The following SUFU variants were observed in gnomAD, a reference collection of about 807,000 sequenced individuals.
SUFU encodes suppressor of fused homolog.
In SUFU, 7 loss-of-function variants were observed where a neutral mutation model predicts 58.9. That is an observed-to-expected ratio of 0.12 (90% CI 0.07 to 0.22). The LOEUF (loss-of-function observed/expected upper bound fraction) is 0.22, where lower values mean the gene tolerates loss of function less well. Among genes scored for constraint, SUFU ranks in the 10% least tolerant of loss-of-function variants. The pLI, the probability that SUFU is intolerant of heterozygous loss-of-function variation, is 1.00. For synonymous variants in SUFU, 232 were observed against 254.8 expected (o/e 0.91, Z 0.85); for missense variants, 451 against 641.3 (o/e 0.70, Z 3.20).
In SUFU at chr10:102,619,015, T is replaced by C. The variant is rs1335562990; in HGVS notation, c.1296+1587T>C. 6.3e-7 allele frequency: 1 copy of C among 1,599,620 alleles called. No individual in the cohort carries two copies. The highest frequency in any genetic ancestry group is 8.5e-7 in the Non-Finnish European group (1 of 1,171,258). ...CACGTTTTCCTGGGACAGTCGGGAC[T>C]GGGGCCTCCCCAAACTGCAGAATCT... On this transcript the variant is annotated intron_variant, in intron 10 of 11. Coordinates refer to ENST00000369902, the MANE Select transcript of SUFU (RefSeq NM_016169.4). The surrounding 1 kb of genome is among the most constrained non-coding windows in gnomAD (Gnocchi z 4.2).
chr10:102,513,375 TC>T (rs1214919464), intron 2 of SUFU, among the ~76,000 whole-genome samples: 35 of 152,102 alleles, frequency 2.3e-4, no homozygotes, highest in Admixed American at 1.7e-3. Context: ...TGTCTTCTCT[TC>T]AGCAAAAAAG....
chr10:102,622,168 G>A (rs754031042), intron 10 of SUFU, among the ~76,000 whole-genome samples: 19 of 152,164 alleles, frequency 1.2e-4, no homozygotes, highest in Admixed American at 4.6e-4. Flanking sequence ...TGCCCCCCTC[G>A]CAGCTCAGCC....
At chr10:102,563,057 T>C (rs926676722) in intron 3 of SUFU, among the ~76,000 whole-genome samples, 7 of 152,180 alleles carry the variant, frequency 4.6e-5, no homozygotes, top group Admixed American at 2.6e-4. Flanking sequence ...CTATAGCTGC[T>C]GAGTGGCAAG....
At chr10:102,615,135 A>G (rs2063671494) in intron 8 of SUFU, 133 bp from the exon 9 acceptor site, 1 of 1,360,954 alleles carries the variant, frequency 7.3e-7, no homozygotes, top group Non-Finnish European at 1.0e-6. Context: ...ATACAGAATG[A>G]TGGCTGTCAC....
chr10:102,618,717 C>A, intron 10 of SUFU: 1 of 383,072 alleles, frequency 2.6e-6, no homozygotes, highest in Non-Finnish European at 4.7e-6. Context: ...GTAACAAAAG[C>A]TCTGAAGTGT....
Position 102,630,270 on chromosome 10 carries a change from C to A in SUFU, c.*115C>A. 1.1e-6 allele frequency: 1 copy of A among 941,392 alleles called. No homozygotes were observed. The highest frequency in any genetic ancestry group is 1.7e-6 in the Non-Finnish European group (1 of 595,838). The allele number at this position is 941,392 out of a possible 1,614,324, so 58.3% of individuals were successfully genotyped here. A position where few individuals can be genotyped will look rare whatever the true frequency, so the allele number is the denominator to read the frequency against. ...AATAAAAGGACAAGTGTGAGGAAGACTGCGCAGTGCCACCCCGCAGCCCAG... is the reference window on the plus strand; with the variant it reads ...AATAAAAGGACAAGTGTGAGGAAGAATGCGCAGTGCCACCCCGCAGCCCAG... On this transcript the variant is annotated 3_prime_UTR_variant, in exon 12 of 12. Transcript: ENST00000369902.
In SUFU at chr10:102,630,197, C is replaced by A; in HGVS notation, c.*42C>A. 1.3e-6 allele frequency: 2 copies of A among 1,501,304 alleles called. No individual in the cohort carries two copies. The highest frequency in any genetic ancestry group is 1.9e-6 in the Non-Finnish European group (2 of 1,077,882). The allele number at this position is 1,501,304 out of a possible 1,614,324, so 93.0% of individuals were successfully genotyped here. A position where few individuals can be genotyped will look rare whatever the true frequency, so the allele number is the denominator to read the frequency against. Reference sequence around the variant, plus strand: ...CAGTGGCCAGCAGGGAGCCCAGCTGCTCCCCAGTGACTTCCAGTGTAACAG... The same window carrying A: ...CAGTGGCCAGCAGGGAGCCCAGCTGATCCCCAGTGACTTCCAGTGTAACAG... On this transcript the variant is annotated 3_prime_UTR_variant, in exon 12 of 12. Coordinates refer to ENST00000369902, the MANE Select transcript of SUFU (RefSeq NM_016169.4).
intron 2 of SUFU, among the ~76,000 whole-genome samples, chr10:102,542,701 T>C (rs1371691658): frequency 6.6e-6 from 1 of 151,388 alleles, no homozygotes; most frequent in Non-Finnish European, 1.5e-5. Context: ...CACAGCTCAC[T>C]GTACCTTCTG....
intron 3 of SUFU, among the ~76,000 whole-genome samples, chr10:102,580,528 G>A (rs572328233): frequency 1.4e-4 from 22 of 152,250 alleles, no homozygotes; most frequent in Non-Finnish European, 3.1e-4. Context: ...GGGAAGTGGA[G>A]GGAGGTGCTC....
intron 2 of SUFU, among the ~76,000 whole-genome samples, chr10:102,516,027 A>G (rs967389170): frequency 2.0e-5 from 3 of 152,174 alleles, no homozygotes; most frequent in African/African-American, 7.2e-5. Flanking sequence ...CCTGAGGCCA[A>G]AGCTTTCACT....
chr10:102,504,373 T>G, intron 1 of SUFU, 39 bp downstream of exon 1: 2 of 1,611,680 alleles, frequency 1.2e-6, no homozygotes, highest in Non-Finnish European at 1.7e-6. Flanking sequence ...AGGCGCGGGC[T>G]GGAAAGGGTT....
chr10:102,530,703 C>T (rs2062667210), intron 2 of SUFU, among the ~76,000 whole-genome samples: 1 of 151,898 alleles, frequency 6.6e-6, no homozygotes, highest in Non-Finnish European at 1.5e-5. Flanking sequence ...ATCCTACTGC[C>T]TCGGCCTCCC....
chr10:102,621,417 C>T (rs892178530), intron 10 of SUFU, among the ~76,000 whole-genome samples: 19 of 152,186 alleles, frequency 1.2e-4, no homozygotes, highest in African/African-American at 3.9e-4. Flanking sequence ...AGTCTGAGCC[C>T]GCTTCTGGCC....
In SUFU at chr10:102,568,897, AATAT is replaced by A. The variant is rs1208688793; in HGVS notation, c.454+18811_454+18814del. The stretch of plus-strand genomic sequence containing the variant: ...CTCAAAAAAAAAAAAAAAAAAAAAA[AATAT>A]ATATATATATATATATATACACATA... On this transcript the variant is annotated intron_variant, in intron 3 of 11. Transcript: ENST00000369902. 2.8e-3 allele frequency among the ~76,000 whole-genome samples: 48 copies of A among 17,038 alleles called. 3 individuals carry two copies. Among genetic ancestry groups the A allele is most frequent in the Non-Finnish European group, 3.6e-3 (38 of 10,468 alleles). The allele number at this position is 17,038 out of a possible 152,430, so 11.2% of individuals were successfully genotyped here. A position where few individuals can be genotyped will look rare whatever the true frequency, so the allele number is the denominator to read the frequency against.
chr10:102,579,696 C>G, intron 3 of SUFU: 1 of 314,568 alleles, frequency 3.2e-6, no homozygotes, highest in South Asian at 1.2e-4. Context: ...TCTCAGTCTT[C>G]TTTAATCAAG....
At chr10:102,519,137 C>CAAAA (rs386372286) in intron 2 of SUFU, among the ~76,000 whole-genome samples, 4 of 86,712 alleles carry the variant, frequency 4.6e-5, no homozygotes, top group Middle Eastern at 7.6e-3. Context: ...GACTCTGTCT[C>CAAAA]AAAAAAAAAA....
chr10:102,577,774 G>A (rs1191085888), intron 3 of SUFU, among the ~76,000 whole-genome samples: 2 of 147,020 alleles, frequency 1.4e-5, no homozygotes, highest in African/African-American at 5.0e-5. Context: ...TCCGCCTCCC[G>A]GATTCACGCC....
At chr10:102,506,767 C>T (rs1228145148) in intron 1 of SUFU, among the ~76,000 whole-genome samples, 3 of 152,190 alleles carry the variant, frequency 2.0e-5, no homozygotes, top group Non-Finnish European at 4.4e-5. Context: ...TGGGATCCCA[C>T]GAGGTTTCTA....
At chr10:102,566,436 C>T (rs1347741134) in intron 3 of SUFU, among the ~76,000 whole-genome samples, 1 of 151,872 alleles carries the variant, frequency 6.6e-6, no homozygotes, top group African/African-American at 2.4e-5. Context: ...TCGAGACCAG[C>T]GGGGCCAACA....
Sources: allele counts gnomAD v4.1 joint callset (sites outside exome capture counted in the v4.1 genomes callset), GRCh38; gene constraint gnomAD v4.1.1; non-coding constraint Gnocchi (gnomAD v3.1); transcripts MANE v1.5; gene names NCBI Gene and HGNC (gene_info 2026-07-23, HGNC 2026-07-21).